Variants in AKNA observed in about 807,000 individuals in gnomAD.
The protein encoded by AKNA is AT-hook transcription factor, also known as microtubule organization protein AKNA.
A neutral mutation model predicts 138.8 loss-of-function variants in AKNA; 67 were observed. That is an observed-to-expected ratio of 0.48 (90% CI 0.40 to 0.59). The LOEUF is 0.59. Among genes scored for constraint, AKNA ranks in the 20% least tolerant of loss-of-function variants. AKNA has a pLI of 0.00. For synonymous variants in AKNA, 737 were observed against 754.4 expected (o/e 0.98, Z 0.38); for missense variants, 1,813 against 1,880.4 (o/e 0.96, Z 0.66).
intron 14 of AKNA, among the ~76,000 whole-genome samples, chr9:114,353,387 C>T (rs1211366541): frequency 6.6e-6 from 1 of 152,078 alleles, no homozygotes; most frequent in African/African-American, 2.4e-5. Context: ...CCTCAGCCTC[C>T]TGAGTAGCTG....
rs1441067968 is a variant in AKNA, at chr9:114,339,690, C to T, written c.4067+1843G>A. Among the ~76,000 whole-genome samples the T allele has an allele frequency of 3.9e-5, 6 of 152,284 alleles. No homozygotes were observed. The East Asian group carries it at 5.8e-4, about 15-fold the overall frequency. ...ATCAATGAGTTGGAACACTGGCAGG[C>T]GCTTTCCCCCGTGTCTGCTGGAGGT... On this transcript the variant is annotated intron_variant, in intron 21 of 21. Transcript: ENST00000374088.
At position 114,337,096 on chromosome 9, in the gene AKNA, G is replaced by C; in HGVS notation, c.4278C>G (p.Asp1426Glu). The change falls in exon 22 of 22, where the codon GAC (aspartate) becomes GAG (glutamate). Residue 1426 changes from aspartate (D) to glutamate (E), a missense_variant. Coordinates refer to ENST00000374088, the MANE Select transcript of AKNA (RefSeq NM_001317950.2). ...CCCGCAGGCTGTGAGCCTGGCGCAG[G>C]TCGGCTGACAGCGAGCTTCTCATCT... The part of the protein sequence containing the change: ...TRQMRSSLSA[D>E]LRQAHSLRGS... 1.9e-6 allele frequency: 3 copies of C among 1,597,926 alleles called. No homozygotes were observed. In the South Asian group the frequency reaches 3.4e-5, roughly 18 times the overall value.
intron 3 of AKNA, among the ~76,000 whole-genome samples, chr9:114,375,096 A>G (rs58493366): frequency 0.061 from 9,328 of 152,252 alleles, 423 homozygotes; most frequent in African/African-American, 0.13. Context: ...GCTCTTGCCA[A>G]AACTCCCCAC....
At chr9:114,366,155 T>C (rs569489664) in intron 6 of AKNA, among the ~76,000 whole-genome samples, 1 of 152,064 alleles carries the variant, frequency 6.6e-6, no homozygotes, top group East Asian at 1.9e-4. Context: ...GGCGCGTGCC[T>C]GTAATCTCAG....
intron 2 of AKNA, 59 bp downstream of exon 2, chr9:114,381,001 A>G: frequency 1.5e-6 from 2 of 1,366,234 alleles, no homozygotes; most frequent in African/African-American, 1.6e-5. Flanking sequence ...AAAAAAAAAA[A>G]GAACGTGTGA....
Position 114,377,005 on chromosome 9 carries a change from G to A in AKNA, c.802C>T (p.Pro268Ser). The A allele has an allele frequency of 6.2e-7, 1 of 1,614,210 alleles. No individual in the cohort carries two copies. Among genetic ancestry groups the A allele is most frequent in the Non-Finnish European group, 8.5e-7 (1 of 1,180,024 alleles). ...GCATGCTGCGGACTCTGGGCTGGGG[G>A]AGCTGAGGAGTCCTGGAATTCCATG... ...TPMEFQDSSA[P>S]PAQSPQHATD... is the part of the protein sequence containing the mutation. Residue 268 changes from proline to serine, a missense_variant, in exon 3 of 22, where the codon CCC (proline) becomes TCC (serine). Coordinates refer to ENST00000374088, the MANE Select transcript of AKNA (RefSeq NM_001317950.2).
intron 6 of AKNA, 118 bp downstream of exon 6, chr9:114,367,425 G>T: frequency 7.8e-7 from 1 of 1,275,692 alleles, no homozygotes; most frequent in Non-Finnish European, 1.1e-6. Flanking sequence ...TTAACTCGGT[G>T]CAGAGGCAGG....
chr9:114,365,622 A>G (rs970280012), intron 6 of AKNA, among the ~76,000 whole-genome samples: 5 of 152,274 alleles, frequency 3.3e-5, no homozygotes, highest in Admixed American at 6.5e-5. Flanking sequence ...TACACCATCT[A>G]TAATTTTCTC....
chr9:114,394,041 C>T (rs976451419), intron 1 of AKNA, among the ~76,000 whole-genome samples: 2 of 151,964 alleles, frequency 1.3e-5, no homozygotes, highest in African/African-American at 2.4e-5. Flanking sequence ...GGTGTGGTGA[C>T]GTGCACCTGT....
intron 7 of AKNA, among the ~76,000 whole-genome samples, chr9:114,363,408 C>T (rs1832114424): frequency 6.6e-6 from 1 of 152,252 alleles, no homozygotes; most frequent in Non-Finnish European, 1.5e-5. Flanking sequence ...AATCTTCTGA[C>T]AGCTCTCAAC....
At chr9:114,370,504 C>T (rs2636903) in intron 4 of AKNA, among the ~76,000 whole-genome samples, 4,993 of 152,236 alleles carry the variant, frequency 0.033, 282 homozygotes, top group African/African-American at 0.11. Context: ...TGAGCAGATG[C>T]CCAGGCAGAG....
chr9:114,331,451 C>G, downstream of AKNA: 1 of 797,080 alleles, frequency 1.3e-6, no homozygotes, highest in Non-Finnish European at 2.1e-6. Context: ...CAAAGGAGAC[C>G]CGGGCCTTCA....
rs560223560 is a variant in AKNA at position 114,370,685 on chromosome 9, G to A, written c.1417-2090C>T. 2.1e-4 allele frequency among the ~76,000 whole-genome samples: 32 copies of A among 152,332 alleles called. 1 individual carries two copies. Among genetic ancestry groups the A allele is most frequent in the African/African-American group, 6.0e-4 (25 of 41,566 alleles). On this transcript the variant is annotated intron_variant, in intron 4 of 21. Transcript: ENST00000374088. Reference sequence around the variant, plus strand: ...AAAGGTGAATCAGGATTCTGTGAAGGGAGGACTAGTGAATTTGGGAAACAT... The same window carrying A: ...AAAGGTGAATCAGGATTCTGTGAAGAGAGGACTAGTGAATTTGGGAAACAT...
Position 114,358,046 on chromosome 9 carries a change from G to A in AKNA, c.2614C>T (p.Pro872Ser). ...GCGGACTTGGTGCCTGGAGGGTGGG[G>A]TGGCACGCCAGGGCCTGGAGGGGCT... ...EAAPPGPGVP[P>S]HPPGTKSAAS... Residue 872 changes from proline (P) to serine (S), a missense_variant, in exon 12 of 22, where the codon CCC (proline) becomes TCC (serine). Physicochemically the swap from Pro to Ser is moderately conservative, Grantham distance 74. Transcript: ENST00000374088. 6.2e-7 allele frequency: 1 copy of A among 1,611,622 alleles called. No homozygotes were observed. Among genetic ancestry groups the A allele is most frequent in the Non-Finnish European group, 8.5e-7 (1 of 1,178,352 alleles).
intron 16 of AKNA, 94 bp downstream of exon 16, chr9:114,347,630 C>T: frequency 7.7e-7 from 1 of 1,304,102 alleles, no homozygotes; most frequent in Non-Finnish European, 1.0e-6. Flanking sequence ...GTGGCAGTGC[C>T]TGAGTCCATA....
intron 1 of AKNA, among the ~76,000 whole-genome samples, chr9:114,387,388 G>A (rs1468323302): frequency 6.6e-6 from 1 of 152,176 alleles, no homozygotes; most frequent in Non-Finnish European, 1.5e-5. Context: ...GAGCTGAGCT[G>A]GGTCTGCTGG....
chr9:114,380,044 G>C (rs1352639103), intron 2 of AKNA, among the ~76,000 whole-genome samples: 1 of 151,910 alleles, frequency 6.6e-6, no homozygotes, highest in African/African-American at 2.4e-5. Flanking sequence ...CCAGCTCCTC[G>C]GGAGGCTGAG....
rs929064797 is a variant in AKNA, at chr9:114,336,132, T to C, written c.*922A>G. 6.6e-6 allele frequency: 1 copy of C among 152,626 alleles called. No homozygotes were observed. Among genetic ancestry groups the C allele is most frequent in the Non-Finnish European group, 1.5e-5 (1 of 68,042 alleles). The allele number at this position is 152,626 out of a possible 1,614,324, so 9.5% of individuals were successfully genotyped here. On this transcript the variant is annotated 3_prime_UTR_variant, in exon 22 of 22. Coordinates refer to ENST00000374088, the MANE Select transcript of AKNA (RefSeq NM_001317950.2). Reference sequence around the variant, plus strand: ...ACATACAGCAGAGACACGGATGGCTTTGGGTATTTTTTTTGTCTTCTTTTC... The same window carrying C: ...ACATACAGCAGAGACACGGATGGCTCTGGGTATTTTTTTTGTCTTCTTTTC...
rs2636901 is a variant in AKNA at position 114,362,239 on chromosome 9, A to C, written c.1916+167T>G. Among the ~76,000 whole-genome samples, 26 of 152,070 alleles carry C rather than the reference A, an allele frequency of 1.7e-4. No individual in the cohort carries two copies. In the East Asian group the frequency reaches 2.7e-3, roughly 16 times the overall value. On this transcript the variant is annotated intron_variant, in intron 8 of 21. Transcript: ENST00000374088. ...ACGTGGGTCCAAAGGGACTCAAATC[A>C]CAGCTTTTGATCGTGCCACCATTTG...
Sources: allele counts gnomAD v4.1 joint callset (sites outside exome capture counted in the v4.1 genomes callset), GRCh38; gene constraint gnomAD v4.1.1; transcripts MANE v1.5; gene names NCBI Gene and HGNC (gene_info 2026-07-23, HGNC 2026-07-21).